Variants in SDR42E1 observed in about 807,000 individuals in gnomAD.
SDR42E1 encodes short-chain dehydrogenase/reductase family 42E member 1.
A neutral mutation model predicts 2.6 loss-of-function variants in SDR42E1; 5 were observed. The observed-to-expected ratio is 1.94, with a 90% CI of 1.01 to 4.08. SDR42E1 has a LOEUF of 4.08. SDR42E1 is among the 30% of genes most tolerant of loss of function. The probability of loss-of-function intolerance (pLI) is 0.00; values close to 1 mark genes in which losing one functional copy is unlikely to be tolerated. For synonymous variants in SDR42E1, 231 were observed against 188.3 expected, an observed-to-expected ratio of 1.23 and a Z score of -1.86; for missense variants, 596 against 478.6, an observed-to-expected ratio of 1.25 and a Z score of -2.29.
rs139729173 is a variant in SDR42E1 at position 82,005,898 on chromosome 16, A to G, written c.-26-5014T>C. On this transcript the variant is annotated intron_variant, in intron 1 of 2. Transcript: ENST00000328945. Reference sequence around the variant, plus strand: ...TTAAAAATCCACCTGACCTCTTGAGAATACTAAGGTAAAGCGAGGGTAATA... The same window carrying G: ...TTAAAAATCCACCTGACCTCTTGAGGATACTAAGGTAAAGCGAGGGTAATA... Among the ~76,000 whole-genome samples, 345 of 152,404 alleles carry G rather than the reference A, an allele frequency of 2.3e-3. 2 individuals are homozygous for G. Among genetic ancestry groups the G allele is most frequent in the African/African-American group, 7.6e-3 (315 of 41,600 alleles).
intron 1 of SDR42E1, among the ~76,000 whole-genome samples, chr16:82,006,463 A>C (rs1312116473): frequency 6.6e-6 from 1 of 152,250 alleles, no homozygotes; most frequent in Non-Finnish European, 1.5e-5. Context: ...GATAAGGAGA[A>C]GAATTCTGAT....
At chr16:82,006,951 T>C (rs77143504) in intron 1 of SDR42E1, among the ~76,000 whole-genome samples, 6,387 of 152,330 alleles carry the variant, frequency 0.042, 437 homozygotes, top group African/African-American at 0.14. Flanking sequence ...CTGTCTATAA[T>C]TCAGGGTCAT....
chr16:82,010,657 C>T (rs1474402696), intron 1 of SDR42E1, among the ~76,000 whole-genome samples: 1 of 152,198 alleles, frequency 6.6e-6, no homozygotes, highest in Non-Finnish European at 1.5e-5. Context: ...AGCCCCCTCC[C>T]CGTTTCGAGT....
In SDR42E1 at chr16:81,990,855, A is replaced by C. The variant is rs1208228243; in HGVS notation, c.*8256T>G. ...TGTGCTCAGAGACACTTCCACTGTG[A>C]AGTGCTTTGTAAAAAGTTCACCCTT... On this transcript the variant is annotated 3_prime_UTR_variant, in exon 3 of 3. Transcript: ENST00000328945. The C allele has an allele frequency of 1.3e-5, 2 of 152,192 alleles. No homozygotes were observed. The highest frequency in any genetic ancestry group is 2.9e-5 in the Non-Finnish European group (2 of 68,026). 9.4% of individuals were successfully genotyped at this position (152,192 alleles called of 1,614,324 possible). A position where few individuals can be genotyped will look rare whatever the true frequency, so the allele number is the denominator to read the frequency against.
rs564645299 is a variant in SDR42E1 at position 81,988,887 on chromosome 16, A to G, written c.*10224T>C. 1.8e-4 allele frequency: 28 copies of G among 152,320 alleles called. No homozygotes were observed. Among genetic ancestry groups the G allele is most frequent in the Admixed American group, 8.5e-4 (13 of 15,304 alleles). 9.4% of individuals were successfully genotyped at this position (152,320 alleles called of 1,614,324 possible). Reference sequence around the variant, plus strand: ...TAGGTAATTTTTTATTAATATTTCAATGTTGGTAGAATACTGCTACATACC... The same window carrying G: ...TAGGTAATTTTTTATTAATATTTCAGTGTTGGTAGAATACTGCTACATACC... On this transcript the variant is annotated 3_prime_UTR_variant, in exon 3 of 3. Coordinates refer to ENST00000328945, the MANE Select transcript of SDR42E1 (RefSeq NM_145168.3).
At chr16:82,001,813 A>G (rs1457998870) in intron 1 of SDR42E1, among the ~76,000 whole-genome samples, 3 of 151,334 alleles carry the variant, frequency 2.0e-5, no homozygotes, top group African/African-American at 7.3e-5. Context: ...GAGGCAGGAG[A>G]ATGGCGTGAA....
chr16:81,991,340 GTTTAC>G lies in SDR42E1; in HGVS notation c.*7766_*7770del, dbSNP rs749668482. The G allele has an allele frequency of 2.6e-5, 4 of 152,064 alleles. No individual in the cohort carries two copies. The highest frequency in any genetic ancestry group is 6.6e-5 in the Admixed American group (1 of 15,260). 9.4% of individuals were successfully genotyped at this position (152,064 alleles called of 1,614,324 possible). On this transcript the variant is annotated 3_prime_UTR_variant, in exon 3 of 3. Coordinates refer to ENST00000328945, the MANE Select transcript of SDR42E1 (RefSeq NM_145168.3). The stretch of plus-strand genomic sequence containing the variant: ...AGTTACTCATTTTTTGTAACAAATA[GTTTAC>G]TTTAATTGCAAATGAAGTTCGAGTA...
In SDR42E1 at chr16:81,989,059, C is replaced by T. The variant is rs529512606; in HGVS notation, c.*10052G>A. 22 of 152,046 alleles carry T rather than the reference C, an allele frequency of 1.4e-4. No homozygotes were observed. Among genetic ancestry groups the T allele is most frequent in the Non-Finnish European group, 2.4e-4 (16 of 67,994 alleles). The allele number at this position is 152,046 out of a possible 1,614,324, so 9.4% of individuals were successfully genotyped here. A position where few individuals can be genotyped will look rare whatever the true frequency, so the allele number is the denominator to read the frequency against. On this transcript the variant is annotated 3_prime_UTR_variant, in exon 3 of 3. Transcript: ENST00000328945. ...CTATGTGTCTTATATATAGGGTGAT[C>T]GTACAATTTATTATACAAAATGGGA...
At chr16:82,000,420 T>A in intron 2 of SDR42E1, 196 bp from the exon 3 acceptor site, 1 of 738,530 alleles carries the variant, frequency 1.4e-6, no homozygotes, top group Non-Finnish European at 2.4e-6. Context: ...CTCATCTACT[T>A]AAATTACAAA....
rs1461697034 is a variant in SDR42E1, at chr16:81,992,792, G to C, written c.*6319C>G. On this transcript the variant is annotated 3_prime_UTR_variant, in exon 3 of 3. Transcript: ENST00000328945. ...GATTTGGCCTCGGTCATAATTACTT[G>C]AGTTCAATGAACTCAAGTAATTATG... 1 of 151,908 alleles carries C rather than the reference G, an allele frequency of 6.6e-6. No individual in the cohort carries two copies. The highest frequency in any genetic ancestry group is 1.5e-5 in the Non-Finnish European group (1 of 68,004). The allele number at this position is 151,908 out of a possible 1,614,324, so 9.4% of individuals were successfully genotyped here.
rs1912439946 is a variant in SDR42E1, at chr16:81,992,055, C to A, written c.*7056G>T. 1 of 151,998 alleles carries A rather than the reference C, an allele frequency of 6.6e-6. No homozygotes were observed. The highest frequency in any genetic ancestry group is 1.5e-5 in the Non-Finnish European group (1 of 68,062). The allele number at this position is 151,998 out of a possible 1,614,324, so 9.4% of individuals were successfully genotyped here. On this transcript the variant is annotated 3_prime_UTR_variant, in exon 3 of 3. Coordinates refer to ENST00000328945, the MANE Select transcript of SDR42E1 (RefSeq NM_145168.3). ...CCTGTAATCCTATTGACTCAGGAGG[C>A]TGAGGCAGAAGAATCGCTTGAACCC...
intron 1 of SDR42E1, among the ~76,000 whole-genome samples, 183 bp from the exon 2 acceptor site, chr16:82,001,067 C>T (rs977988164): frequency 2.6e-5 from 4 of 152,122 alleles, no homozygotes; most frequent in African/African-American, 4.8e-5. Context: ...AAATTTCACC[C>T]GATGTAACAT....
chr16:82,006,841 GA>G (rs1912955322), intron 1 of SDR42E1, among the ~76,000 whole-genome samples: 1 of 152,288 alleles, frequency 6.6e-6, no homozygotes, highest in African/African-American at 2.4e-5. Context: ...CACCTTGGAA[GA>G]AAATTACCTA....
At chr16:82,008,721 G>GA in intron 1 of SDR42E1, among the ~76,000 whole-genome samples, 1 of 152,178 alleles carries the variant, frequency 6.6e-6, no homozygotes, top group East Asian at 1.9e-4. Context: ...TGATACAAAA[G>GA]AAAAGAAAAA....
rs1186218999 is a variant in SDR42E1 at position 81,994,201 on chromosome 16, C to G, written c.*4910G>C. 6.6e-6 allele frequency: 1 copy of G among 152,202 alleles called. No individual in the cohort carries two copies. The highest frequency in any genetic ancestry group is 1.9e-4 in the East Asian group (1 of 5,186). The allele number at this position is 152,202 out of a possible 1,614,324, so 9.4% of individuals were successfully genotyped here. A position where few individuals can be genotyped will look rare whatever the true frequency, so the allele number is the denominator to read the frequency against. On this transcript the variant is annotated 3_prime_UTR_variant, in exon 3 of 3. Coordinates refer to ENST00000328945, the MANE Select transcript of SDR42E1 (RefSeq NM_145168.3). ...GCGTCCCGCAGGCAGCGTTACGGAACCCCAGTGTAGTCACCAGGACCTCCT... is the reference window on the plus strand; with the variant it reads ...GCGTCCCGCAGGCAGCGTTACGGAAGCCCAGTGTAGTCACCAGGACCTCCT...
At chr16:82,010,006 C>A (rs879684203) in intron 1 of SDR42E1, among the ~76,000 whole-genome samples, 2 of 152,252 alleles carry the variant, frequency 1.3e-5, no homozygotes, top group African/African-American at 2.4e-5. Context: ...TTCCCCTACA[C>A]AAGCTCTCTT....
At chr16:82,008,105 C>G (rs1315764365) in intron 1 of SDR42E1, among the ~76,000 whole-genome samples, 1 of 152,150 alleles carries the variant, frequency 6.6e-6, no homozygotes, top group Admixed American at 6.6e-5. Context: ...AGAAAATTCC[C>G]CTACACAAAC....
At chr16:82,010,867 T>A (rs1019151897) in intron 1 of SDR42E1, among the ~76,000 whole-genome samples, 2 of 152,188 alleles carry the variant, frequency 1.3e-5, no homozygotes, top group South Asian at 2.1e-4. Context: ...CGTCTCAGAT[T>A]TTCAGGGCTC....
chr16:81,996,058 A>T lies in SDR42E1; in HGVS notation c.*3053T>A, dbSNP rs576645113. ...CAGGAACCTAAAAAAGGTCAGTGTA[A>T]TTGGGGCAGAGAAGGCAGAATAATG... On this transcript the variant is annotated 3_prime_UTR_variant, in exon 3 of 3. Coordinates refer to ENST00000328945, the MANE Select transcript of SDR42E1 (RefSeq NM_145168.3). 1 of 152,338 alleles carries T rather than the reference A, an allele frequency of 6.6e-6. No homozygotes were observed. Among genetic ancestry groups the T allele is most frequent in the East Asian group, 1.9e-4 (1 of 5,158 alleles). The allele number at this position is 152,338 out of a possible 1,614,324, so 9.4% of individuals were successfully genotyped here. A position where few individuals can be genotyped will look rare whatever the true frequency, so the allele number is the denominator to read the frequency against.
Sources: gnomAD v4.1 joint callset for allele counts (sites outside exome capture counted in the v4.1 genomes callset) on GRCh38, gnomAD v4.1.1 for gene constraint, MANE v1.5 for transcripts, NCBI Gene and HGNC (gene_info 2026-07-23, HGNC 2026-07-21) for gene names.